Variants in HCRTR2 observed in about 807,000 individuals in gnomAD.
HCRTR2 encodes the protein orexin receptor type 2.
In HCRTR2, 22 loss-of-function variants were observed where a neutral mutation model predicts 49.0. That is an observed-to-expected ratio of 0.45 (90% CI 0.32 to 0.64). HCRTR2 has a LOEUF of 0.64. Among genes scored for constraint, HCRTR2 ranks in the 30% least tolerant of loss-of-function variants. The pLI, the probability that HCRTR2 is intolerant of heterozygous loss-of-function variation, is 0.04. For missense variants in HCRTR2, 491 were observed against 559.4 expected, an observed-to-expected ratio of 0.88 and a Z score of 1.23; for synonymous variants, 236 against 205.3, an observed-to-expected ratio of 1.15 and a Z score of -1.28.
chr6:55,132,170 A>G (rs978043836), intron 1 of HCRTR2, among the ~76,000 whole-genome samples: 1 of 151,876 alleles, frequency 6.6e-6, no homozygotes, highest in African/African-American at 2.4e-5. Flanking sequence ...CTATCACAAA[A>G]GTCTATTAAA....
Position 55,140,256 on chromosome 6 carries a change from G to T in HCRTR2, c.-378+33711G>T, listed in dbSNP as rs1196175054. Among the ~76,000 whole-genome samples, 3 of 150,900 alleles carry T rather than the reference G, an allele frequency of 2.0e-5. No homozygotes were observed. The East Asian group carries it at 5.8e-4, about 29-fold the overall frequency. On this transcript the variant is annotated intron_variant, in intron 1 of 7. Coordinates refer to the HCRTR2 transcript ENST00000615358. ...CCAGCCTCCTTTTTTCCATTATATT[G>T]AAAATATTAAGGCCTATAGAAAATA...
intron 1 of HCRTR2, among the ~76,000 whole-genome samples, chr6:55,120,903 T>C (rs1381852475): frequency 1.3e-4 from 20 of 150,492 alleles, no homozygotes; most frequent in South Asian, 2.1e-4. Context: ...TGAAGTCAGG[T>C]AGCGTGATGC....
chr6:55,280,247 T>G, intron 5 of HCRTR2, 76 bp from the exon 6 acceptor site: 1 of 981,714 alleles, frequency 1.0e-6, no homozygotes, highest in Non-Finnish European at 1.6e-6. Context: ...AGTCAGACCA[T>G]CCTCTACCAA....
chr6:55,216,554 G>A (rs549554518), intron 1 of HCRTR2, among the ~76,000 whole-genome samples: 6 of 152,304 alleles, frequency 3.9e-5, no homozygotes, highest in African/African-American at 1.4e-4. Flanking sequence ...TGGTCCCCAA[G>A]CAACTCTTTA....
At chr6:55,145,225 C>T (rs966906199) in intron 1 of HCRTR2, among the ~76,000 whole-genome samples, 2 of 152,118 alleles carry the variant, frequency 1.3e-5, no homozygotes, top group Non-Finnish European at 2.9e-5. Context: ...TTTCTTTTCT[C>T]AACTGGTTTC....
At chr6:55,135,240 A>G (rs1581789460) in intron 1 of HCRTR2, among the ~76,000 whole-genome samples, 1 of 152,248 alleles carries the variant, frequency 6.6e-6, no homozygotes, top group Non-Finnish European at 1.5e-5. Context: ...ATGCTAGAGT[A>G]TCCAGCAAAA....
At chr6:55,162,436 G>T (rs1764819668) in intron 1 of HCRTR2, among the ~76,000 whole-genome samples, 1 of 152,176 alleles carries the variant, frequency 6.6e-6, no homozygotes, top group African/African-American at 2.4e-5. Flanking sequence ...ACAAGACAAG[G>T]ATGCCCTCTC....
chr6:55,144,413 C>G (rs1764551431), intron 1 of HCRTR2, among the ~76,000 whole-genome samples: 1 of 152,084 alleles, frequency 6.6e-6, no homozygotes, highest in African/African-American at 2.4e-5. Flanking sequence ...CACCTTCCAC[C>G]ATGACAGCTC....
chr6:55,206,407 G>C (rs1235792642), intron 1 of HCRTR2, among the ~76,000 whole-genome samples: 1 of 152,126 alleles, frequency 6.6e-6, no homozygotes, highest in Non-Finnish European at 1.5e-5. Context: ...CTTAGTAAGA[G>C]AAGTATTACA....
rs1195247074 is a variant in HCRTR2 at position 55,225,677 on chromosome 6, A to C, written c.224-22962A>C. On this transcript the variant is annotated intron_variant, in intron 1 of 6. Coordinates refer to ENST00000370862, the MANE Select transcript of HCRTR2 (RefSeq NM_001384272.1). Reference sequence around the variant, plus strand: ...CAGTGTACTATAATTCCATATACATAAACTAATATTTTTAAGATACATGAA... The same window carrying C: ...CAGTGTACTATAATTCCATATACATCAACTAATATTTTTAAGATACATGAA... 2.0e-5 allele frequency among the ~76,000 whole-genome samples: 3 copies of C among 152,332 alleles called. No homozygotes were observed. In the East Asian group the frequency reaches 5.8e-4, roughly 29 times the overall value.
intron 1 of HCRTR2, among the ~76,000 whole-genome samples, chr6:55,219,768 C>A (rs1765855376): frequency 6.6e-6 from 1 of 151,362 alleles, no homozygotes. Context: ...CTAACAGCTG[C>A]TTTTTAAAGA....
intron 1 of HCRTR2, chr6:55,106,576 T>G (rs12173306): frequency 6.6e-6 from 1 of 152,214 alleles, no homozygotes; most frequent in East Asian, 1.9e-4. Flanking sequence ...ACTCTATATT[T>G]TTTCTATTTA....
intron 1 of HCRTR2, among the ~76,000 whole-genome samples, chr6:55,165,515 A>G (rs745857444): frequency 3.3e-5 from 5 of 152,072 alleles, no homozygotes; most frequent in African/African-American, 1.2e-4. Flanking sequence ...AAACTATGAA[A>G]CTCTTAGAAA....
chr6:55,223,017 G>C (rs899931473), intron 1 of HCRTR2, among the ~76,000 whole-genome samples: 1 of 152,090 alleles, frequency 6.6e-6, no homozygotes, highest in Non-Finnish European at 1.5e-5. Context: ...ATTAAAAAAC[G>C]AGAAACAGTA....
intron 1 of HCRTR2, 42 bp downstream of exon 1, chr6:55,174,852 C>T (rs202040171): frequency 6.6e-7 from 1 of 1,518,364 alleles, no homozygotes. Context: ...GCTATCACCC[C>T]CTCTCCGCCC....
intron 1 of HCRTR2, among the ~76,000 whole-genome samples, chr6:55,125,866 A>G (rs1163740217): frequency 6.6e-6 from 1 of 151,812 alleles, no homozygotes; most frequent in East Asian, 1.9e-4. Context: ...CATTAAGTTG[A>G]CCTTCAATCA....
intron 1 of HCRTR2, among the ~76,000 whole-genome samples, chr6:55,222,371 A>G (rs1300371519): frequency 6.6e-6 from 1 of 152,146 alleles, no homozygotes; most frequent in Admixed American, 6.5e-5. Flanking sequence ...CTGTGAAAAA[A>G]TGTTTGGAAG....
At chr6:55,231,334 G>A (rs1379975785) in intron 1 of HCRTR2, among the ~76,000 whole-genome samples, 1 of 151,904 alleles carries the variant, frequency 6.6e-6, no homozygotes, top group Non-Finnish European at 1.5e-5. Flanking sequence ...ACATGTGAAG[G>A]GAGACTAATA....
At chr6:55,186,354 T>C (rs961572391) in intron 1 of HCRTR2, among the ~76,000 whole-genome samples, 9 of 152,332 alleles carry the variant, frequency 5.9e-5, no homozygotes, top group African/African-American at 2.2e-4. Flanking sequence ...GAATTGCTTT[T>C]GTGATTATTT....
Sources: gnomAD v4.1 joint callset for allele counts (sites outside exome capture counted in the v4.1 genomes callset) on GRCh38, gnomAD v4.1.1 for gene constraint, MANE v1.5 for transcripts, NCBI Gene and HGNC (gene_info 2026-07-23, HGNC 2026-07-21) for gene names.